PPARGC1A: variants seen among roughly 807,000 people sequenced by gnomAD.
PPARGC1A encodes the protein PPARG coactivator 1 alpha, also known as peroxisome proliferator-activated receptor gamma coactivator 1-alpha.
PPARGC1A carries 25 observed loss-of-function variants against 88.7 expected under a neutral mutation model. That is an observed-to-expected ratio of 0.28 (90% confidence interval 0.21 to 0.39). The LOEUF (loss-of-function observed/expected upper bound fraction) is 0.39. Among genes scored for constraint, PPARGC1A ranks in the 10% least tolerant of loss-of-function variants. The pLI is 1.00. For missense variants in PPARGC1A, 880 were observed against 968.7 expected, an observed-to-expected ratio of 0.91 and a Z score of 1.22; for synonymous variants, 363 against 355.6, an observed-to-expected ratio of 1.02 and a Z score of -0.24.
At chr4:24,302,262 G>A in the PPARGC1A span, among the ~76,000 whole-genome samples, 2 of 152,100 alleles carry the variant, frequency 1.3e-5, no homozygotes, top group African/African-American at 4.8e-5. Context: ...AAAACATCAC[G>A]TATCCAAAAA....
the PPARGC1A span, among the ~76,000 whole-genome samples, chr4:24,224,970 C>T: frequency 6.6e-6 from 1 of 152,154 alleles, no homozygotes; most frequent in Non-Finnish European, 1.5e-5. Flanking sequence ...GAGGTAGAAG[C>T]ATGTCACGCA....
At chr4:24,176,676 A>G in the PPARGC1A span, among the ~76,000 whole-genome samples, 2 of 152,068 alleles carry the variant, frequency 1.3e-5, no homozygotes, top group African/African-American at 2.4e-5. Flanking sequence ...GTCTCGTAAC[A>G]CTCTTGAAAA....
the PPARGC1A span, among the ~76,000 whole-genome samples, chr4:24,077,285 GT>G: frequency 2.0e-5 from 3 of 152,042 alleles, no homozygotes; most frequent in African/African-American, 4.8e-5. Flanking sequence ...GGCACATCTC[GT>G]TTAGTGGCTT....
chr4:24,472,544 A>T, the PPARGC1A span, among the ~76,000 whole-genome samples: 1 of 152,190 alleles, frequency 6.6e-6, no homozygotes, highest in Non-Finnish European at 1.5e-5. The surrounding 1 kb of genome is among the most constrained non-coding windows in gnomAD (Gnocchi z 4.5). Context: ...ATCAAATTAA[A>T]CCAATAAGCC....
At chr4:23,890,271 G>A, upstream of PPARGC1A, 1 of 316,912 alleles carries the variant, frequency 3.2e-6, no homozygotes, top group Non-Finnish European at 5.3e-6. Context: ...GAAACACTTA[G>A]ACTTTTGGAG....
intron 2 of PPARGC1A, among the ~76,000 whole-genome samples, chr4:23,849,647 G>A (rs898549305): frequency 1.3e-5 from 2 of 152,014 alleles, no homozygotes; most frequent in African/African-American, 4.8e-5. Context: ...AGAGAGAATA[G>A]AACCTTTAGT....
the PPARGC1A span, among the ~76,000 whole-genome samples, chr4:24,337,912 C>T: frequency 6.6e-6 from 1 of 152,140 alleles, no homozygotes; most frequent in African/African-American, 2.4e-5. Flanking sequence ...GGTGCAACCC[C>T]TTCTCAAGCC....
At chr4:24,131,363 A>G in the PPARGC1A span, among the ~76,000 whole-genome samples, 6 of 152,310 alleles carry the variant, frequency 3.9e-5, no homozygotes, top group Admixed American at 3.9e-4. Context: ...TAATCAATCA[A>G]CAAAAGATAA....
At chr4:23,892,360 G>T (rs1229585123), upstream of PPARGC1A, among the ~76,000 whole-genome samples, 2 of 151,834 alleles carry the variant, frequency 1.3e-5, no homozygotes, top group African/African-American at 4.8e-5. Flanking sequence ...ACAGTATATT[G>T]CATTTCCCCC....
the PPARGC1A span, among the ~76,000 whole-genome samples, chr4:24,165,195 T>A: frequency 2.0e-5 from 3 of 152,120 alleles, no homozygotes; most frequent in African/African-American, 7.2e-5. Context: ...ATTAAAAAAT[T>A]TTAATTTTTT....
the PPARGC1A span, among the ~76,000 whole-genome samples, chr4:24,047,034 G>T: frequency 6.6e-6 from 1 of 152,136 alleles, no homozygotes; most frequent in Non-Finnish European, 1.5e-5. Flanking sequence ...CACTCTGACT[G>T]ACAAACCATT....
the PPARGC1A span, among the ~76,000 whole-genome samples, chr4:24,228,905 C>T: frequency 1.3e-5 from 2 of 152,154 alleles, no homozygotes; most frequent in African/African-American, 4.8e-5. Context: ...GTCAGGGTTA[C>T]TGGGGGAATT....
the PPARGC1A span, among the ~76,000 whole-genome samples, chr4:24,027,229 G>GTGTC: frequency 3.7e-4 from 53 of 143,266 alleles, 1 homozygote; most frequent in Admixed American, 1.1e-3. Flanking sequence ...CTGTGTGTCT[G>GTGTC]TGTGTGTCTG....
the PPARGC1A span, among the ~76,000 whole-genome samples, chr4:24,103,067 G>C: frequency 6.6e-6 from 1 of 152,150 alleles, no homozygotes; most frequent in African/African-American, 2.4e-5. Context: ...GCTCAAAAAT[G>C]TTGACCAGCT....
At chr4:24,126,586 T>A in the PPARGC1A span, among the ~76,000 whole-genome samples, 1 of 152,074 alleles carries the variant, frequency 6.6e-6, no homozygotes. Context: ...CCTGACCTTT[T>A]CCCCCTGCCT....
the PPARGC1A span, among the ~76,000 whole-genome samples, chr4:24,355,432 T>C: frequency 6.6e-6 from 1 of 152,188 alleles, no homozygotes; most frequent in Non-Finnish European, 1.5e-5. Flanking sequence ...GCTGCTCATA[T>C]CTTCTTGTAT....
the PPARGC1A span, among the ~76,000 whole-genome samples, chr4:24,467,078 AAG>A: frequency 3.7e-5 from 5 of 136,024 alleles, no homozygotes; most frequent in Non-Finnish European, 8.0e-5. Context: ...GAAAGAAAGA[AAG>A]GGAGAGAGAG....
Position 23,814,409 on chromosome 4 carries a change from G to A in PPARGC1A, c.1074C>T (p.Leu358=). 3 of 1,613,868 alleles carry A rather than the reference G, an allele frequency of 1.9e-6. No homozygotes were observed. Among genetic ancestry groups the A allele is most frequent in the Non-Finnish European group, 2.5e-6 (3 of 1,179,950 alleles). Residue 358 remains leucine, a synonymous_variant, in exon 8 of 13, where the codon CTC becomes CTT. Coordinates refer to ENST00000264867, the MANE Select transcript of PPARGC1A (RefSeq NM_013261.5). The part of the protein sequence containing the change: ...GPEQSELYAQ[L]SKSSVLTGGH... ...CACCAGTGAGGACTGAGGACTTGCT[G>A]AGTTGTGCATACAACTCGGATTGCT... is the stretch of plus-strand genomic sequence containing the variant.
chr4:23,832,577 C>T (rs1725209250), intron 2 of PPARGC1A, among the ~76,000 whole-genome samples: 1 of 151,574 alleles, frequency 6.6e-6, no homozygotes, highest in Admixed American at 6.6e-5. Context: ...GGGTACTATT[C>T]CAGTGCACTA....
Sources: allele counts gnomAD v4.1 joint callset (sites outside exome capture counted in the v4.1 genomes callset), GRCh38; gene constraint gnomAD v4.1.1; non-coding constraint Gnocchi (gnomAD v3.1); transcripts MANE v1.5; gene names NCBI Gene and HGNC (gene_info 2026-07-23, HGNC 2026-07-21).